The following PIK3C2G variants were observed in gnomAD, a reference collection of about 807,000 sequenced individuals.
The protein encoded by PIK3C2G is phosphatidylinositol 3-kinase C2 domain-containing subunit gamma.
A neutral mutation model predicts 181.1 loss-of-function variants in PIK3C2G; 168 were observed. The observed-to-expected ratio is 0.93, with a 90% confidence interval of 0.82 to 1.05. The LOEUF (loss-of-function observed/expected upper bound fraction) is 1.05. PIK3C2G is among the 50% of genes least tolerant of loss of function. The pLI is 0.00. For missense variants in PIK3C2G, 1,869 were observed against 1,732.8 expected (o/e 1.08, Z -1.40); for synonymous variants, 573 against 592.2 (o/e 0.97, Z 0.47).
At chr12:18,489,248 T>C (rs939481176) in intron 19 of PIK3C2G, among the ~76,000 whole-genome samples, 3 of 152,064 alleles carry the variant, frequency 2.0e-5, no homozygotes, top group Non-Finnish European at 1.5e-5. Flanking sequence ...TTCAACACTC[T>C]AGATGCAGGG....
intron 18 of PIK3C2G, among the ~76,000 whole-genome samples, chr12:18,482,344 A>G (rs1397420224): frequency 6.6e-6 from 1 of 151,956 alleles, no homozygotes; most frequent in African/African-American, 2.4e-5. Flanking sequence ...AGGAATTGCA[A>G]TCCCCTCTCT....
chr12:18,521,989 G>A (rs1354894536), intron 24 of PIK3C2G, among the ~76,000 whole-genome samples: 1 of 152,164 alleles, frequency 6.6e-6, no homozygotes, highest in East Asian at 1.9e-4. Context: ...GCTGGGGGGT[G>A]GGGGCTGCCC....
intron 30 of PIK3C2G, among the ~76,000 whole-genome samples, chr12:18,603,311 T>C (rs961145185): frequency 6.6e-6 from 1 of 152,014 alleles, no homozygotes. Flanking sequence ...TAACCTTGTC[T>C]AACAAAGACA....
intron 13 of PIK3C2G, among the ~76,000 whole-genome samples, chr12:18,379,718 C>T (rs1321675530): frequency 6.6e-6 from 1 of 152,138 alleles, no homozygotes; most frequent in African/African-American, 2.4e-5. Flanking sequence ...GACTGGGGCT[C>T]CCCCAGCTTG....
chr12:18,430,715 C>T lies in PIK3C2G; in HGVS notation c.2504+6676C>T, dbSNP rs561815712. 1.3e-4 allele frequency among the ~76,000 whole-genome samples: 20 copies of T among 152,202 alleles called. No individual in the cohort carries two copies. In the South Asian group the frequency reaches 3.7e-3, roughly 28 times the overall value. On this transcript the variant is annotated intron_variant, in intron 18 of 32. Coordinates refer to ENST00000538779, the MANE Select transcript of PIK3C2G (RefSeq NM_001288772.2). ...ATCAGAAACGAGGCAATGGATATCA[C>T]TAGTGAAACCAAAACTGGAGAAGAG...
chr12:18,352,988 A>G (rs996750420), intron 11 of PIK3C2G, among the ~76,000 whole-genome samples: 1 of 152,184 alleles, frequency 6.6e-6, no homozygotes. Context: ...TGGGTGGGAC[A>G]GGCTAAAAAG....
intron 18 of PIK3C2G, among the ~76,000 whole-genome samples, chr12:18,469,389 GA>G (rs1938231640): frequency 6.6e-6 from 1 of 152,090 alleles, no homozygotes; most frequent in Admixed American, 6.6e-5. Context: ...CTGCTGGGGG[GA>G]AAATGTTTTC....
At chr12:18,400,346 G>A (rs950677196) in intron 16 of PIK3C2G, among the ~76,000 whole-genome samples, 5 of 152,216 alleles carry the variant, frequency 3.3e-5, no homozygotes, top group African/African-American at 1.2e-4. Context: ...CCAGGAAAGG[G>A]CTAATGATGT....
At chr12:18,542,480 T>C (rs1479410283) in intron 25 of PIK3C2G, among the ~76,000 whole-genome samples, 2 of 151,974 alleles carry the variant, frequency 1.3e-5, no homozygotes, top group African/African-American at 2.4e-5. Context: ...TCACAGGGAT[T>C]TGATGTACAG....
At chr12:18,576,190 T>C (rs999357711) in intron 29 of PIK3C2G, among the ~76,000 whole-genome samples, 3 of 152,342 alleles carry the variant, frequency 2.0e-5, no homozygotes. Context: ...CATAGTACTT[T>C]TAATATTTTC....
intron 24 of PIK3C2G, among the ~76,000 whole-genome samples, chr12:18,532,158 A>G (rs948253177): frequency 6.6e-6 from 1 of 151,968 alleles, no homozygotes; most frequent in Non-Finnish European, 1.5e-5. Context: ...TTATATGTTT[A>G]TTTACAATCT....
At chr12:18,283,827 G>A (rs1180203021) in intron 2 of PIK3C2G, among the ~76,000 whole-genome samples, 3 of 152,158 alleles carry the variant, frequency 2.0e-5, no homozygotes, top group East Asian at 1.9e-4. Flanking sequence ...ACAATTAGAC[G>A]AAATAAGTGA....
chr12:18,243,016 C>A (rs1363446342), upstream of PIK3C2G, among the ~76,000 whole-genome samples: 3 of 151,952 alleles, frequency 2.0e-5, no homozygotes, highest in Non-Finnish European at 4.4e-5. Context: ...TTCTACTGGC[C>A]AGAGAAATAC....
intron 31 of PIK3C2G, among the ~76,000 whole-genome samples, chr12:18,610,228 G>A (rs979361151): frequency 3.3e-5 from 5 of 151,988 alleles, no homozygotes; most frequent in East Asian, 1.9e-4. Flanking sequence ...AGGAAAACAC[G>A]AAACCTCACC....
upstream of PIK3C2G, among the ~76,000 whole-genome samples, chr12:18,247,221 A>G (rs963882033): frequency 1.3e-5 from 2 of 152,216 alleles, no homozygotes; most frequent in African/African-American, 4.8e-5. Context: ...TTATGGAATT[A>G]TAATACTTAA....
chr12:18,469,882 G>A (rs1430133730), intron 18 of PIK3C2G, among the ~76,000 whole-genome samples: 4 of 147,794 alleles, frequency 2.7e-5, no homozygotes, highest in African/African-American at 9.9e-5. Flanking sequence ...AGCTTGTCAA[G>A]TGTGGTAAAA....
chr12:18,472,051 C>T (rs939044570), intron 18 of PIK3C2G, among the ~76,000 whole-genome samples: 2 of 152,234 alleles, frequency 1.3e-5, no homozygotes, highest in South Asian at 4.1e-4. Context: ...ACTGAACTTT[C>T]TCAGTCACCT....
intron 29 of PIK3C2G, among the ~76,000 whole-genome samples, chr12:18,585,515 T>C (rs561030579): frequency 2.8e-4 from 43 of 152,122 alleles, no homozygotes; most frequent in Admixed American, 1.0e-3. Flanking sequence ...TAAACATATA[T>C]GCAGCCAACA....
At position 18,464,199 on chromosome 12, in the gene PIK3C2G, C is replaced by T. The variant is rs111236611; in HGVS notation, c.2505-24250C>T. Among the ~76,000 whole-genome samples, 341 of 152,218 alleles carry T rather than the reference C, an allele frequency of 2.2e-3. 2 individuals carry two copies. Among genetic ancestry groups the T allele is most frequent in the Admixed American group, 4.6e-3 (70 of 15,258 alleles). On this transcript the variant is annotated intron_variant, in intron 18 of 32. Coordinates refer to ENST00000538779, the MANE Select transcript of PIK3C2G (RefSeq NM_001288772.2). ...TGTTATTTTAAAAGTCCAAGATCAA[C>T]GCTAGCAGATTTAGTGTCTGGTGAG...
Sources: gnomAD v4.1 joint callset for allele counts (sites outside exome capture counted in the v4.1 genomes callset) on GRCh38, gnomAD v4.1.1 for gene constraint, MANE v1.5 for transcripts, NCBI Gene and HGNC (gene_info 2026-07-23, HGNC 2026-07-21) for gene names.